The following TSNARE1 variants were observed in gnomAD, a reference collection of about 807,000 sequenced individuals.
TSNARE1 encodes the protein t-SNARE domain-containing protein 1.
TSNARE1 carries 49 observed loss-of-function variants against 62.0 expected under a neutral mutation model. The ratio of observed to expected loss-of-function variants is 0.79; its 90% CI spans 0.63 to 1.00. The LOEUF (loss-of-function observed/expected upper bound fraction) is 1.00. TSNARE1 is among the 50% of genes least tolerant of loss of function. The pLI is 0.00. For synonymous variants in TSNARE1, 328 were observed against 294.4 expected, an observed-to-expected ratio of 1.11 and a Z score of -1.17; for missense variants, 755 against 700.1, an observed-to-expected ratio of 1.08 and a Z score of -0.88.
intron 12 of TSNARE1, among the ~76,000 whole-genome samples, chr8:142,256,113 C>G (rs796606005): frequency 1.7e-5 from 2 of 118,596 alleles, no homozygotes; most frequent in African/African-American, 6.5e-5. Flanking sequence ...CCACCACCAT[C>G]ACCATCACCA....
At chr8:142,262,153 C>T (rs574379354) in intron 12 of TSNARE1, among the ~76,000 whole-genome samples, 1 of 152,334 alleles carries the variant, frequency 6.6e-6, no homozygotes, top group African/African-American at 2.4e-5. Context: ...CTACCTCGTC[C>T]TTCTTCTTCC....
intron 4 of TSNARE1, among the ~76,000 whole-genome samples, chr8:142,341,610 A>G (rs1280979212): frequency 3.3e-5 from 5 of 152,112 alleles, no homozygotes; most frequent in Non-Finnish European, 7.4e-5. Context: ...GTAGAAGAGG[A>G]TATGAAGCCA....
Position 142,229,264 on chromosome 8 carries a change from T to C in TSNARE1, c.*11+209A>G, listed in dbSNP as rs528340248. Among the ~76,000 whole-genome samples the C allele has an allele frequency of 4.6e-5, 7 of 150,634 alleles. No individual in the cohort carries two copies. The East Asian group carries it at 8.1e-4, about 17-fold the overall frequency. On this transcript the variant is annotated intron_variant, in intron 13 of 13. Transcript: ENST00000524325. ...GATGGATGAATGGATGGATGGTGGA[T>C]GGGTGGATGGATGGATGGCAGATGG...
At chr8:142,365,633 C>CACACACAG (rs60883386) in intron 1 of TSNARE1, among the ~76,000 whole-genome samples, 121 of 138,652 alleles carry the variant, frequency 8.7e-4, no homozygotes, top group African/African-American at 2.8e-3. Context: ...CACACACACA[C>CACACACAG]AGAGAGAGAG....
At chr8:142,393,311 T>C (rs1463970815) in intron 1 of TSNARE1, among the ~76,000 whole-genome samples, 1 of 152,196 alleles carries the variant, frequency 6.6e-6, no homozygotes, top group Non-Finnish European at 1.5e-5. Context: ...AGCAGACTGG[T>C]GGCTCCCAGG....
intron 1 of TSNARE1, among the ~76,000 whole-genome samples, chr8:142,375,998 T>G (rs1836305840): frequency 6.6e-6 from 1 of 152,184 alleles, no homozygotes; most frequent in Non-Finnish European, 1.5e-5. Context: ...GAGGCCCCTG[T>G]GCTGGACACT....
At chr8:142,345,307 G>A (rs1833204588) in intron 3 of TSNARE1, among the ~76,000 whole-genome samples, 1 of 152,214 alleles carries the variant, frequency 6.6e-6, no homozygotes, top group African/African-American at 2.4e-5. Flanking sequence ...AGAAGGACCT[G>A]GAAGGGGCCC....
chr8:142,220,837 C>T (rs552163616), intron 13 of TSNARE1, among the ~76,000 whole-genome samples: 49 of 152,202 alleles, frequency 3.2e-4, no homozygotes, highest in Non-Finnish European at 6.8e-4. Context: ...TGTGCAACCT[C>T]GGGCTGAATA....
intron 2 of TSNARE1, among the ~76,000 whole-genome samples, chr8:142,347,120 G>T (rs922842675): frequency 6.6e-6 from 1 of 152,224 alleles, no homozygotes; most frequent in Non-Finnish European, 1.5e-5. Context: ...CCCTGGTGGG[G>T]GGAAGAGGGA....
chr8:142,376,581 A>G (rs551246631), intron 1 of TSNARE1, among the ~76,000 whole-genome samples: 66 of 152,300 alleles, frequency 4.3e-4, no homozygotes, highest in Middle Eastern at 6.8e-3. Flanking sequence ...CTCTGATCTC[A>G]GACTTGTAGC....
chr8:142,240,466 C>T (rs182097099), intron 12 of TSNARE1, among the ~76,000 whole-genome samples: 1 of 152,072 alleles, frequency 6.6e-6, no homozygotes, highest in East Asian at 1.9e-4. Context: ...GTAAAAATAC[C>T]GAGATCTGAA....
intron 10 of TSNARE1, among the ~76,000 whole-genome samples, chr8:142,286,636 C>A (rs895973816): frequency 6.6e-6 from 1 of 152,198 alleles, no homozygotes; most frequent in African/African-American, 2.4e-5. Context: ...GTCACCACCA[C>A]CTTCTGCCAG....
At chr8:142,287,974 C>T (rs377309752) in intron 10 of TSNARE1, among the ~76,000 whole-genome samples, 66 of 152,356 alleles carry the variant, frequency 4.3e-4, no homozygotes, top group African/African-American at 1.6e-3. Context: ...CAGGACGTCC[C>T]GTGCTGCAGC....
chr8:142,225,213 C>A (rs1286167779), intron 13 of TSNARE1, among the ~76,000 whole-genome samples: 1 of 151,950 alleles, frequency 6.6e-6, no homozygotes, highest in Admixed American at 6.5e-5. Flanking sequence ...TCACTCCCAC[C>A]CTCCACGGCT....
chr8:142,229,257 TGGTGGATG>T (rs981607348), intron 13 of TSNARE1, among the ~76,000 whole-genome samples: 1 of 149,900 alleles, frequency 6.7e-6, no homozygotes. Flanking sequence ...AATGGATGGA[TGGTGGATG>T]GGTGGATGGA....
At chr8:142,396,039 G>A (rs1030766884) in intron 1 of TSNARE1, among the ~76,000 whole-genome samples, 21 of 151,632 alleles carry the variant, frequency 1.4e-4, no homozygotes, top group African/African-American at 4.6e-4. Context: ...AGACGCCTGT[G>A]GCTCTCTTTG....
intron 13 of TSNARE1, among the ~76,000 whole-genome samples, chr8:142,225,155 C>G (rs1416531947): frequency 2.0e-5 from 3 of 151,874 alleles, no homozygotes; most frequent in Admixed American, 2.0e-4. Context: ...TGCCTCCCCC[C>G]TCCCCCCAGA....
At chr8:142,363,777 C>T (rs1018801470) in intron 1 of TSNARE1, among the ~76,000 whole-genome samples, 2 of 152,170 alleles carry the variant, frequency 1.3e-5, no homozygotes, top group Non-Finnish European at 2.9e-5. Context: ...CCTCAGGGTG[C>T]TTTGGAAGTC....
At chr8:142,318,970 C>T (rs183672707) in intron 6 of TSNARE1, among the ~76,000 whole-genome samples, 2 of 147,192 alleles carry the variant, frequency 1.4e-5, no homozygotes, top group Non-Finnish European at 3.0e-5. Context: ...CAGCAAGAGA[C>T]GGGGGAGACG....
Sources: allele counts gnomAD v4.1 joint callset (sites outside exome capture counted in the v4.1 genomes callset), GRCh38; gene constraint gnomAD v4.1.1; transcripts MANE v1.5; gene names NCBI Gene and HGNC (gene_info 2026-07-23, HGNC 2026-07-21).